ICE1: variants seen among roughly 807,000 people sequenced by gnomAD.
ICE1 encodes little elongation complex subunit 1.
In ICE1, 64 loss-of-function variants were observed where a neutral mutation model predicts 192.7. The observed-to-expected ratio is 0.33, with a 90% CI of 0.27 to 0.41. The LOEUF (loss-of-function observed/expected upper bound fraction) is 0.41. Among genes scored for constraint, ICE1 ranks in the 10% least tolerant of loss-of-function variants. The pLI, the probability that ICE1 is intolerant of heterozygous loss-of-function variation, is 1.00. For synonymous variants in ICE1, 1,010 were observed against 984.5 expected (o/e 1.03, Z -0.49); for missense variants, 2,708 against 2,696.0 (o/e 1.00, Z -0.10).
At chr5:5,488,531 G>A (rs1033814845) in intron 18 of ICE1, among the ~76,000 whole-genome samples, 4 of 152,092 alleles carry the variant, frequency 2.6e-5, no homozygotes, top group African/African-American at 9.7e-5. Flanking sequence ...CTCCTAAATT[G>A]TTTAACCTAA....
intron 10 of ICE1, among the ~76,000 whole-genome samples, chr5:5,448,921 G>A (rs1738330990): frequency 6.6e-6 from 1 of 152,190 alleles, no homozygotes; most frequent in African/African-American, 2.4e-5. Flanking sequence ...TGGAAAGTGA[G>A]ACTTTAAGTA....
chr5:5,434,374 AGT>A (rs1737808135), intron 1 of ICE1, among the ~76,000 whole-genome samples: 1 of 152,224 alleles, frequency 6.6e-6, no homozygotes, highest in African/African-American at 2.4e-5. Context: ...TAAAATTATC[AGT>A]GAATGTTACA....
intron 10 of ICE1, among the ~76,000 whole-genome samples, chr5:5,451,522 A>G (rs1738416585): frequency 6.6e-6 from 1 of 152,156 alleles, no homozygotes; most frequent in Non-Finnish European, 1.5e-5. Context: ...ACCAGGATTG[A>G]GAAACAGGTA....
In ICE1 at chr5:5,462,787, T is replaced by C. The variant is rs1738838536; in HGVS notation, c.3453T>C (p.Tyr1151=). 1 of 1,613,444 alleles carries C rather than the reference T, an allele frequency of 6.2e-7. No individual in the cohort carries two copies. The highest frequency in any genetic ancestry group is 8.5e-7 in the Non-Finnish European group (1 of 1,179,698). ...TGAGACCTTCCTTAGAGGTAGGTTATTTGACGTCAGCTCTGCAAGATTTTA... is the reference window on the plus strand; with the variant it reads ...TGAGACCTTCCTTAGAGGTAGGTTACTTGACGTCAGCTCTGCAAGATTTTA... ...AEVRPSLEVG[Y]LTSALQDFNI... The change falls in exon 13 of 19, where the codon TAT becomes TAC. Residue 1151 remains tyrosine (Y), a synonymous_variant. Transcript: ENST00000296564.
At chr5:5,484,855 G>A (rs1286726707) in intron 17 of ICE1, among the ~76,000 whole-genome samples, 1 of 152,152 alleles carries the variant, frequency 6.6e-6, no homozygotes, top group Non-Finnish European at 1.5e-5. Context: ...AACACAGAAC[G>A]CTGAGCATAC....
chr5:5,472,400 C>T (rs961291874), intron 15 of ICE1, among the ~76,000 whole-genome samples: 2 of 152,240 alleles, frequency 1.3e-5, no homozygotes, highest in South Asian at 2.1e-4. Context: ...CTTTATGGAG[C>T]GTGTATTGTA....
At position 5,463,946 on chromosome 5, in the gene ICE1, G is replaced by T. The variant is rs745771850; in HGVS notation, c.4612G>T (p.Asp1538Tyr). ...CTTCGAGACTCAGATTGTTGCGTCT[G>T]ATCACACATATTATAACTCAAAACT... ...QNFETQIVASDHTYYNSKLEP... is the reference protein window; with the variant it reads ...QNFETQIVASYHTYYNSKLEP... The change falls in exon 13 of 19, where the codon GAT becomes TAT. Residue 1538 changes from aspartate (D) to tyrosine (Y), a missense_variant. Physicochemically the swap from Asp to Tyr is radical, Grantham distance 160 (BLOSUM62 -3). Transcript: ENST00000296564. 6.2e-7 allele frequency: 1 copy of T among 1,613,906 alleles called. No homozygotes were observed. The highest frequency in any genetic ancestry group is 8.5e-7 in the Non-Finnish European group (1 of 1,179,852).
intron 1 of ICE1, among the ~76,000 whole-genome samples, chr5:5,430,553 G>C (rs1469503677): frequency 6.6e-6 from 1 of 152,182 alleles, no homozygotes; most frequent in Admixed American, 6.5e-5. Context: ...CAAGTCAGCA[G>C]CCCCCAGCCC....
intron 15 of ICE1, among the ~76,000 whole-genome samples, chr5:5,470,725 A>G (rs533045224): frequency 7.2e-5 from 11 of 152,338 alleles, no homozygotes; most frequent in East Asian, 1.9e-4. Flanking sequence ...AAGATTTGAC[A>G]CTCAAAATTC....
At chr5:5,478,282 G>C (rs1739399043) in intron 17 of ICE1, among the ~76,000 whole-genome samples, 1 of 152,202 alleles carries the variant, frequency 6.6e-6, no homozygotes, top group South Asian at 2.1e-4. Flanking sequence ...CAAAATCAAT[G>C]TGCAAAAATC....
chr5:5,447,384 A>C (rs946837896), intron 7 of ICE1, 43 bp from the exon 8 acceptor site: 2 of 1,198,762 alleles, frequency 1.7e-6, no homozygotes, highest in Admixed American at 4.6e-5. Context: ...TAGTAAAGTT[A>C]GTAAATTATT....
At chr5:5,438,234 C>G (rs1329630299) in intron 3 of ICE1, among the ~76,000 whole-genome samples, 1 of 152,188 alleles carries the variant, frequency 6.6e-6, no homozygotes, top group Non-Finnish European at 1.5e-5. Flanking sequence ...ATCAGGAGAA[C>G]AGCACTGGGG....
intron 10 of ICE1, among the ~76,000 whole-genome samples, chr5:5,450,422 A>G (rs1738378888): frequency 6.6e-6 from 1 of 152,208 alleles, no homozygotes; most frequent in African/African-American, 2.4e-5. Context: ...GAAAATAACA[A>G]GATTTGGAGG....
intron 1 of ICE1, among the ~76,000 whole-genome samples, chr5:5,432,434 G>A (rs1288416781): frequency 6.6e-6 from 1 of 152,134 alleles, no homozygotes; most frequent in Non-Finnish European, 1.5e-5. Flanking sequence ...ATCCTTTGAT[G>A]GACATTTAAT....
In ICE1 at chr5:5,478,365, T is replaced by C. The variant is rs540823064; in HGVS notation, c.6520+2286T>C. 2.0e-5 allele frequency among the ~76,000 whole-genome samples: 3 copies of C among 152,296 alleles called. No individual in the cohort carries two copies. In the East Asian group the frequency reaches 5.8e-4, roughly 29 times the overall value. On this transcript the variant is annotated intron_variant, in intron 17 of 18. Coordinates refer to ENST00000296564, the MANE Select transcript of ICE1 (RefSeq NM_015325.3). ...TGTGTGAACTCCCATTCATAATTGC[T>C]ACAAAGAGAATAAAATGCCTAGTAA...
At chr5:5,472,585 G>T (rs74952066) in intron 15 of ICE1, among the ~76,000 whole-genome samples, 3,113 of 152,216 alleles carry the variant, frequency 0.02, 131 homozygotes, top group East Asian at 0.19. Flanking sequence ...CTGAGTTTTG[G>T]TTATCAGGTG....
At chr5:5,481,811 T>C in intron 17 of ICE1, among the ~76,000 whole-genome samples, 1 of 152,220 alleles carries the variant, frequency 6.6e-6, no homozygotes, top group East Asian at 1.9e-4. Context: ...GTGTTATAGT[T>C]GCCTCCAGTA....
chr5:5,435,678 G>GT (rs796599483), intron 1 of ICE1, among the ~76,000 whole-genome samples: 7,105 of 116,534 alleles, frequency 0.061, 727 homozygotes, highest in African/African-American at 0.21. Flanking sequence ...TTTTTGTTTT[G>GT]TTTTTGTTTT....
chr5:5,463,780 G>A lies in ICE1; in HGVS notation c.4446G>A (p.Glu1482=), dbSNP rs566445452. The change falls in exon 13 of 19, where the codon GAG becomes GAA. Residue 1482 remains glutamate, a synonymous_variant. Transcript: ENST00000296564. The part of the protein sequence containing the change: ...EASHTGPAFQ[E]APCGNNLSCP... The stretch of plus-strand genomic sequence containing the variant: ...GTCACACTGGCCCTGCATTTCAGGA[G>A]GCTCCATGTGGCAATAATCTTTCAT... The A allele has an allele frequency of 6.2e-7, 1 of 1,613,958 alleles. No individual in the cohort carries two copies. Among genetic ancestry groups the A allele is most frequent in the East Asian group, 2.2e-5 (1 of 44,852 alleles).
Sources: allele counts gnomAD v4.1 joint callset (sites outside exome capture counted in the v4.1 genomes callset), GRCh38; gene constraint gnomAD v4.1.1; transcripts MANE v1.5; gene names NCBI Gene and HGNC (gene_info 2026-07-23, HGNC 2026-07-21).